LINGO2: variants seen among roughly 807,000 people sequenced by gnomAD.
LINGO2 encodes leucine-rich repeat and immunoglobulin-like domain-containing nogo receptor-interacting protein 2.
In LINGO2, 14 loss-of-function variants were observed where a neutral mutation model predicts 30.6. That is an observed-to-expected ratio of 0.46 (90% CI 0.30 to 0.72). The LOEUF (loss-of-function observed/expected upper bound fraction) is 0.72, where lower values mean the gene tolerates loss of function less well. LINGO2 is among the 30% of genes least tolerant of loss of function. The pLI, the probability that LINGO2 is intolerant of heterozygous loss-of-function variation, is 0.07. For synonymous variants in LINGO2, 317 were observed against 288.5 expected, an observed-to-expected ratio of 1.10 and a Z score of -1.00; for missense variants, 729 against 751.7, an observed-to-expected ratio of 0.97 and a Z score of 0.35.
intron 1 of LINGO2, among the ~76,000 whole-genome samples, chr9:28,560,497 A>C (rs982926544): frequency 4.6e-5 from 7 of 152,056 alleles, no homozygotes; most frequent in African/African-American, 1.7e-4. Context: ...TAACTGAATA[A>C]GGCAATCCTT....
the LINGO2 span, among the ~76,000 whole-genome samples, chr9:29,103,022 C>T: frequency 1.3e-5 from 2 of 151,988 alleles, no homozygotes; most frequent in African/African-American, 2.4e-5. Context: ...ACCAAATCTT[C>T]AACAGTACTT....
At chr9:28,269,772 C>G (rs887448720) in intron 4 of LINGO2, among the ~76,000 whole-genome samples, 1 of 152,124 alleles carries the variant, frequency 6.6e-6, no homozygotes, top group Admixed American at 6.5e-5. Context: ...ATTCATCCAA[C>G]CATTCATGAG....
the LINGO2 span, among the ~76,000 whole-genome samples, chr9:28,906,786 C>A: frequency 6.6e-6 from 1 of 151,860 alleles, no homozygotes; most frequent in African/African-American, 2.4e-5. Context: ...ATTTCTCAAT[C>A]CTAAGGAAGT....
rs1823468769 is a variant in LINGO2, at chr9:27,948,748, G to A, written c.*103C>T. On this transcript the variant is annotated 3_prime_UTR_variant, in exon 6 of 6. Coordinates refer to ENST00000379992, the Ensembl canonical transcript of LINGO2. ...CCATAGACCCTGCTTTTGATACAGG[G>A]GCAGCTGCACATGGCTGCCTCTTAA... 4.5e-6 allele frequency: 6 copies of A among 1,328,546 alleles called. No homozygotes were observed. The African/African-American group carries it at 5.9e-5, about 13-fold the overall frequency. The allele number at this position is 1,328,546 out of a possible 1,614,324, so 82.3% of individuals were successfully genotyped here. A position where few individuals can be genotyped will look rare whatever the true frequency, so the allele number is the denominator to read the frequency against.
chr9:27,990,670 C>T (rs1397903945), intron 5 of LINGO2, among the ~76,000 whole-genome samples: 4 of 151,894 alleles, frequency 2.6e-5, no homozygotes, highest in Admixed American at 6.6e-5. Flanking sequence ...AGGAGGTTAT[C>T]GCATTCAGTG....
chr9:28,561,550 T>C (rs1013140546), intron 1 of LINGO2, among the ~76,000 whole-genome samples: 18 of 125,174 alleles, frequency 1.4e-4, no homozygotes, highest in African/African-American at 6.6e-4. Flanking sequence ...ACATCAGTAA[T>C]TGGTTTAATA....
At chr9:29,012,963 C>G in the LINGO2 span, among the ~76,000 whole-genome samples, 1 of 152,170 alleles carries the variant, frequency 6.6e-6, no homozygotes, top group Non-Finnish European at 1.5e-5. Context: ...GTTCATCCAT[C>G]TAGTTCATCT....
intron 1 of LINGO2, among the ~76,000 whole-genome samples, chr9:28,506,466 A>C: frequency 1.6e-5 from 1 of 63,900 alleles, no homozygotes; most frequent in South Asian, 5.5e-4. Flanking sequence ...ATACACATAC[A>C]CACACACACA....
At chr9:28,497,137 T>C (rs1007337668) in intron 1 of LINGO2, among the ~76,000 whole-genome samples, 2 of 152,204 alleles carry the variant, frequency 1.3e-5, no homozygotes, top group African/African-American at 4.8e-5. Flanking sequence ...ATTATGTTTC[T>C]TAGAGTTGCT....
At chr9:28,428,114 T>A (rs548308530) in intron 2 of LINGO2, among the ~76,000 whole-genome samples, 1 of 152,100 alleles carries the variant, frequency 6.6e-6, no homozygotes, top group Non-Finnish European at 1.5e-5. Context: ...TCCTTAATCA[T>A]AAAAAGGTAA....
the LINGO2 span, among the ~76,000 whole-genome samples, chr9:29,127,396 T>C: frequency 6.6e-6 from 1 of 152,098 alleles, no homozygotes; most frequent in African/African-American, 2.4e-5. Flanking sequence ...TTTATTTTTC[T>C]TTTCTTTTTG....
At chr9:28,902,670 A>G in the LINGO2 span, among the ~76,000 whole-genome samples, 1 of 152,156 alleles carries the variant, frequency 6.6e-6, no homozygotes, top group South Asian at 2.1e-4. Flanking sequence ...TAAAAGATTG[A>G]AATTATTCAA....
chr9:27,948,675 G>T, exon 6 of LINGO2: 1 of 720,224 alleles, frequency 1.4e-6, no homozygotes, highest in Non-Finnish European at 2.3e-6. Context: ...ACACATGCCT[G>T]CCTGCCTGCC....
chr9:28,777,680 C>A, the LINGO2 span, among the ~76,000 whole-genome samples: 2 of 152,216 alleles, frequency 1.3e-5, no homozygotes, highest in East Asian at 1.9e-4. Flanking sequence ...ACAGAAAGAT[C>A]TTTTGGTCTA....
intron 4 of LINGO2, among the ~76,000 whole-genome samples, chr9:28,199,463 C>A (rs1820146906): frequency 6.6e-6 from 1 of 151,850 alleles, no homozygotes; most frequent in Admixed American, 6.6e-5. Flanking sequence ...CTCAGCCTCC[C>A]GAGTAGCTGG....
At chr9:28,960,889 C>A in the LINGO2 span, among the ~76,000 whole-genome samples, 3 of 151,582 alleles carry the variant, frequency 2.0e-5, no homozygotes, top group Non-Finnish European at 4.4e-5. Flanking sequence ...ACTCAAGACA[C>A]CTTTATTTAA....
At chr9:28,800,784 A>G in the LINGO2 span, among the ~76,000 whole-genome samples, 1 of 152,078 alleles carries the variant, frequency 6.6e-6, no homozygotes, top group African/African-American at 2.4e-5. Flanking sequence ...TACTCTATGC[A>G]TAGAGACAAT....
chr9:28,570,799 A>T (rs940190274), intron 1 of LINGO2, among the ~76,000 whole-genome samples: 7 of 151,994 alleles, frequency 4.6e-5, no homozygotes, highest in Non-Finnish European at 4.4e-5. Context: ...TTTTCACCCC[A>T]TAAATCCAGA....
intron 1 of LINGO2, among the ~76,000 whole-genome samples, chr9:28,519,799 T>C (rs999139474): frequency 8.5e-5 from 13 of 152,124 alleles, no homozygotes; most frequent in Admixed American, 7.9e-4. Flanking sequence ...TGAGGTGAAA[T>C]TTATCAAATT....
Sources: gnomAD v4.1 joint callset for allele counts (sites outside exome capture counted in the v4.1 genomes callset) on GRCh38, gnomAD v4.1.1 for gene constraint, MANE v1.5 for transcripts, NCBI Gene and HGNC (gene_info 2026-07-23, HGNC 2026-07-21) for gene names.